Variants in ZFAND3 observed in about 807,000 individuals in gnomAD.
The protein encoded by ZFAND3 is AN1-type zinc finger protein 3.
A neutral mutation model predicts 29.6 loss-of-function variants in ZFAND3; 10 were observed. The observed-to-expected ratio is 0.34, with a 90% confidence interval of 0.21 to 0.57. The LOEUF (loss-of-function observed/expected upper bound fraction) is 0.57. Among genes scored for constraint, ZFAND3 ranks in the 20% least tolerant of loss-of-function variants. ZFAND3 has a pLI of 0.86. For missense variants in ZFAND3, 230 were observed against 304.5 expected (o/e 0.76, Z 1.82); for synonymous variants, 128 against 112.6 (o/e 1.14, Z -0.87).
chr6:38,139,952 G>A (rs900715504), intron 5 of ZFAND3, among the ~76,000 whole-genome samples: 3 of 152,194 alleles, frequency 2.0e-5, no homozygotes, highest in African/African-American at 7.2e-5. Flanking sequence ...GAAGTGAATG[G>A]ATTTGATTTT....
chr6:38,103,057 G>T (rs1289160349), intron 4 of ZFAND3, among the ~76,000 whole-genome samples: 2 of 152,068 alleles, frequency 1.3e-5, no homozygotes, highest in African/African-American at 2.4e-5. Flanking sequence ...GCGCCTGGCT[G>T]GAAGTTTAAC....
intron 2 of ZFAND3, among the ~76,000 whole-genome samples, chr6:38,043,662 A>G (rs1365943861): frequency 2.0e-5 from 3 of 149,894 alleles, no homozygotes; most frequent in African/African-American, 7.4e-5. Context: ...ACCTAGATGG[A>G]GTGTAGTGGC....
chr6:37,829,838 T>G (rs1763828594), intron 1 of ZFAND3, among the ~76,000 whole-genome samples: 1 of 152,338 alleles, frequency 6.6e-6, no homozygotes. Flanking sequence ...GAACAGTTGC[T>G]TTGACTTAAA....
chr6:38,059,260 A>G lies in ZFAND3; in HGVS notation c.113-2333A>G, dbSNP rs548129739. ...GTATATTATTTCCTTGAATGTTTTTATCTTGTAATTATTATCATTCATGTA... is the reference window on the plus strand; with the variant it reads ...GTATATTATTTCCTTGAATGTTTTTGTCTTGTAATTATTATCATTCATGTA... On this transcript the variant is annotated intron_variant, in intron 2 of 5. Transcript: ENST00000287218. Among the ~76,000 whole-genome samples, 9 of 152,292 alleles carry G rather than the reference A, an allele frequency of 5.9e-5. No homozygotes were observed. In the South Asian group the frequency reaches 1.9e-3, roughly 32 times the overall value.
At chr6:37,869,204 A>C (rs1478928660) in intron 1 of ZFAND3, among the ~76,000 whole-genome samples, 1 of 152,198 alleles carries the variant, frequency 6.6e-6, no homozygotes, top group African/African-American at 2.4e-5. Flanking sequence ...TCTATCATCC[A>C]GGCTGGAGTG....
At chr6:37,912,660 C>T (rs573667979) in intron 1 of ZFAND3, among the ~76,000 whole-genome samples, 7 of 152,206 alleles carry the variant, frequency 4.6e-5, no homozygotes, top group African/African-American at 1.7e-4. Context: ...TGGAATGGTG[C>T]TTATGGAAAT....
chr6:38,140,938 CT>C (rs1461885203), intron 5 of ZFAND3, among the ~76,000 whole-genome samples: 11 of 152,186 alleles, frequency 7.2e-5, no homozygotes, highest in African/African-American at 2.7e-4. Flanking sequence ...AATAAACTAA[CT>C]TTAAACATGG....
intron 2 of ZFAND3, among the ~76,000 whole-genome samples, chr6:38,009,263 T>G (rs917582758): frequency 1.3e-5 from 2 of 152,208 alleles, no homozygotes; most frequent in Non-Finnish European, 1.5e-5. Flanking sequence ...AGGTACTGTT[T>G]TGTGGAAGGG....
intron 5 of ZFAND3, among the ~76,000 whole-genome samples, chr6:38,144,203 ATATATATAATATATAATATATATATATAT>A (rs1455476626): frequency 4.4e-5 from 2 of 45,360 alleles, no homozygotes; most frequent in African/African-American, 2.8e-4. Context: ...ATATATATAT[ATATATATAATATATAATATATATATATAT>A]TTTTTTTTTA....
At chr6:37,956,904 G>A (rs1762093880) in intron 2 of ZFAND3, among the ~76,000 whole-genome samples, 1 of 152,154 alleles carries the variant, frequency 6.6e-6, no homozygotes, top group South Asian at 2.1e-4. Context: ...ACAGTCCTTC[G>A]GGATTGCAAA....
In ZFAND3 at chr6:38,102,089, T is replaced by TTCTTCTTCCTCCTCC. The variant is rs768344364; in HGVS notation, c.362-14468_362-14454dup. Among the ~76,000 whole-genome samples the TTCTTCTTCCTCCTCC allele has an allele frequency of 2.6e-5, 4 of 152,134 alleles. No homozygotes were observed. In the South Asian group the frequency reaches 6.2e-4, roughly 24 times the overall value. ...AGAAATCATCTTCCTCCTTTCTTCT[T>TTCTTCTTCCTCCTCC]TCTTCTTCCTCCTCCTCTTCTTCCT... On this transcript the variant is annotated intron_variant, in intron 4 of 5. Transcript: ENST00000287218.
chr6:38,127,667 A>T (rs1017370032), intron 5 of ZFAND3, among the ~76,000 whole-genome samples: 4 of 151,970 alleles, frequency 2.6e-5, no homozygotes, highest in Non-Finnish European at 5.9e-5. Context: ...AATTAGAAGG[A>T]GCCTTAGTAA....
chr6:38,067,093 A>G lies in ZFAND3; in HGVS notation c.295+5318A>G, dbSNP rs145383343. Among the ~76,000 whole-genome samples, 282 of 152,366 alleles carry G rather than the reference A, an allele frequency of 1.9e-3. 2 individuals are homozygous for G. Among genetic ancestry groups the G allele is most frequent in the African/African-American group, 6.5e-3 (272 of 41,590 alleles). ...CAAGTATCCTTGCTAAGTACCAGGC[A>G]CTGTTCCAAGTACCTTATATGCACA... On this transcript the variant is annotated intron_variant, in intron 3 of 5. Transcript: ENST00000287218.
chr6:38,060,468 C>T (rs1189652507), intron 2 of ZFAND3, among the ~76,000 whole-genome samples: 1 of 147,760 alleles, frequency 6.8e-6, no homozygotes, highest in Non-Finnish European at 1.5e-5. Flanking sequence ...TCTCCTCTCT[C>T]TGCTTTCTCT....
intron 2 of ZFAND3, among the ~76,000 whole-genome samples, chr6:37,995,979 A>G (rs1472152863): frequency 1.3e-5 from 2 of 152,020 alleles, no homozygotes; most frequent in African/African-American, 2.4e-5. Flanking sequence ...ATACAAAAAA[A>G]TTAGCCGGGC....
chr6:38,026,471 C>T (rs1030173943), intron 2 of ZFAND3, among the ~76,000 whole-genome samples: 5 of 133,710 alleles, frequency 3.7e-5, no homozygotes, highest in Non-Finnish European at 7.7e-5. Flanking sequence ...CACTCTGTCA[C>T]CCAGGCTGGA....
intron 2 of ZFAND3, among the ~76,000 whole-genome samples, chr6:38,017,592 A>G (rs1156441129): frequency 6.6e-6 from 1 of 152,190 alleles, no homozygotes; most frequent in Admixed American, 6.5e-5. Flanking sequence ...TTAAAGCGGT[A>G]AAGGGAATAT....
intron 5 of ZFAND3, among the ~76,000 whole-genome samples, chr6:38,119,235 T>G (rs1765481132): frequency 6.6e-6 from 1 of 152,176 alleles, no homozygotes; most frequent in African/African-American, 2.4e-5. Context: ...TCCTGCCTGC[T>G]TGGATCTCTC....
intron 1 of ZFAND3, among the ~76,000 whole-genome samples, chr6:37,919,221 T>C (rs954013823): frequency 2.0e-5 from 3 of 152,208 alleles, no homozygotes; most frequent in African/African-American, 7.2e-5. Context: ...GTGCTGGGAT[T>C]ACAGGCGTGA....
Sources: gnomAD v4.1 joint callset for allele counts (sites outside exome capture counted in the v4.1 genomes callset) on GRCh38, gnomAD v4.1.1 for gene constraint, MANE v1.5 for transcripts, NCBI Gene and HGNC (gene_info 2026-07-23, HGNC 2026-07-21) for gene names.